The following SMYD3 variants were observed in gnomAD, a reference collection of about 807,000 sequenced individuals.
The protein encoded by SMYD3 is SET and MYND domain containing 3, also known as histone-lysine N-methyltransferase SMYD3.
SMYD3 carries 36 observed loss-of-function variants against 57.7 expected under a neutral mutation model. The ratio of observed to expected loss-of-function variants is 0.62; its 90% CI spans 0.48 to 0.82. SMYD3 has a LOEUF of 0.82. Ranked by LOEUF, SMYD3 falls within the 40% of genes least tolerant of loss-of-function variation. The probability of loss-of-function intolerance (pLI) is 0.00; values close to 1 mark genes in which losing one functional copy is unlikely to be tolerated. For synonymous variants in SMYD3, 211 were observed against 195.0 expected, an observed-to-expected ratio of 1.08 and a Z score of -0.68; for missense variants, 515 against 538.8, an observed-to-expected ratio of 0.96 and a Z score of 0.44.
chr1:246,317,396 C>T (rs1270051898), intron 5 of SMYD3, among the ~76,000 whole-genome samples: 2 of 152,256 alleles, frequency 1.3e-5, no homozygotes, highest in East Asian at 3.8e-4. Flanking sequence ...AATGTTAATT[C>T]AGGGGTTGGC....
chr1:245,787,914 G>T (rs999219161), intron 10 of SMYD3, among the ~76,000 whole-genome samples: 1 of 152,158 alleles, frequency 6.6e-6, no homozygotes, highest in Admixed American at 6.5e-5. Context: ...CTTTCGAACT[G>T]GGCATTGTAC....
chr1:246,427,791 C>G (rs2067243311), intron 1 of SMYD3, among the ~76,000 whole-genome samples: 1 of 151,912 alleles, frequency 6.6e-6, no homozygotes, highest in African/African-American at 2.4e-5. Context: ...GAGGTTGAGG[C>G]TGCGATGAGC....
At chr1:246,397,060 C>A (rs1324749564) in intron 1 of SMYD3, among the ~76,000 whole-genome samples, 1 of 152,208 alleles carries the variant, frequency 6.6e-6, no homozygotes, top group Non-Finnish European at 1.5e-5. Flanking sequence ...CTTCGGAAAA[C>A]TGTACCATCT....
chr1:246,390,227 A>C (rs1002065711), intron 1 of SMYD3, among the ~76,000 whole-genome samples: 1 of 129,590 alleles, frequency 7.7e-6, no homozygotes, highest in African/African-American at 3.7e-5. Context: ...AAAAAAAAAA[A>C]AAAAAAAAAA....
intron 10 of SMYD3, among the ~76,000 whole-genome samples, chr1:245,775,582 C>T (rs931062539): frequency 1.7e-4 from 26 of 151,264 alleles, no homozygotes; most frequent in Admixed American, 2.6e-4. Context: ...TGCGGAAGGC[C>T]GCAGGGTCCT....
At chr1:246,108,221 C>A (rs1043764864) in intron 5 of SMYD3, among the ~76,000 whole-genome samples, 7 of 152,176 alleles carry the variant, frequency 4.6e-5, no homozygotes, top group African/African-American at 1.4e-4. Context: ...TAACTAAGCC[C>A]TGTGTCAGAG....
intron 8 of SMYD3, among the ~76,000 whole-genome samples, chr1:245,865,813 T>C (rs2148499523): frequency 6.6e-6 from 1 of 152,320 alleles, no homozygotes; most frequent in Admixed American, 6.5e-5. Context: ...TACAGAACAG[T>C]TCACTATGTC....
At position 245,913,685 on chromosome 1, in the gene SMYD3, A is replaced by G. The variant is rs1188131659; in HGVS notation, c.813+1845T>C. 1.5e-4 allele frequency among the ~76,000 whole-genome samples: 4 copies of G among 25,912 alleles called. No homozygotes were observed. In the Non-Finnish European group the frequency reaches 8.0e-3, roughly 52 times the overall value. 17.0% of individuals were successfully genotyped at this position (25,912 alleles called of 152,430 possible). On this transcript the variant is annotated intron_variant, in intron 8 of 11. Coordinates refer to ENST00000490107, the MANE Select transcript of SMYD3 (RefSeq NM_001167740.2). ...AGGAAACACTCAACAGAGTGAAGAG[A>G]CAACTATAAAATGGCAGAAAATATT...
chr1:246,140,123 T>C (rs1572095107), intron 5 of SMYD3, among the ~76,000 whole-genome samples: 1 of 152,212 alleles, frequency 6.6e-6, no homozygotes, highest in African/African-American at 2.4e-5. Context: ...AATGCACATA[T>C]ATACAAATGA....
At chr1:245,889,348 C>A (rs1338740118) in intron 8 of SMYD3, among the ~76,000 whole-genome samples, 2 of 152,174 alleles carry the variant, frequency 1.3e-5, no homozygotes, top group East Asian at 3.9e-4. Context: ...CCTTTTTCTC[C>A]TTCTAGGACA....
chr1:246,186,537 C>T (rs924978257), intron 5 of SMYD3, among the ~76,000 whole-genome samples: 2 of 151,952 alleles, frequency 1.3e-5, no homozygotes, highest in Admixed American at 6.6e-5. Context: ...TACTCTGAAA[C>T]CAGAGAACAG....
At chr1:246,080,606 G>GA (rs1038952903) in intron 5 of SMYD3, among the ~76,000 whole-genome samples, 2 of 152,000 alleles carry the variant, frequency 1.3e-5, no homozygotes, top group Non-Finnish European at 2.9e-5. Context: ...GACTCTAGGA[G>GA]AAAAAAGAAC....
chr1:245,898,030 G>A (rs1572628386), intron 8 of SMYD3, among the ~76,000 whole-genome samples: 1 of 152,160 alleles, frequency 6.6e-6, no homozygotes, highest in African/African-American at 2.4e-5. Flanking sequence ...AAACTGCTCT[G>A]GCTGTGTTTT....
intron 1 of SMYD3, among the ~76,000 whole-genome samples, chr1:246,461,098 G>GT (rs1179222853): frequency 6.6e-6 from 1 of 152,186 alleles, no homozygotes; most frequent in African/African-American, 2.4e-5. Flanking sequence ...TCTGAAAAAT[G>GT]TAAGTTAAAG....
chr1:245,959,085 TTTG>T (rs1391084192), intron 5 of SMYD3, among the ~76,000 whole-genome samples: 1 of 152,072 alleles, frequency 6.6e-6, no homozygotes, highest in African/African-American at 2.4e-5. Flanking sequence ...TTTTTTGGGT[TTTG>T]TTTTTGTTTT....
intron 5 of SMYD3, among the ~76,000 whole-genome samples, chr1:246,204,240 T>C (rs1209448120): frequency 2.0e-5 from 3 of 152,338 alleles, no homozygotes; most frequent in Middle Eastern, 6.8e-3. Context: ...TATAATCTCT[T>C]AAATTTACTT....
At chr1:245,996,360 C>A (rs921191714) in intron 5 of SMYD3, among the ~76,000 whole-genome samples, 2 of 152,186 alleles carry the variant, frequency 1.3e-5, no homozygotes, top group African/African-American at 4.8e-5. Flanking sequence ...AACCAGTGGG[C>A]TGGGATTAGG....
At chr1:246,391,334 T>G (rs1026700612) in intron 1 of SMYD3, among the ~76,000 whole-genome samples, 1 of 149,694 alleles carries the variant, frequency 6.7e-6, no homozygotes, top group African/African-American at 2.5e-5. Context: ...GAGCTTTGAT[T>G]CCACCACTGC....
chr1:246,142,595 A>G (rs1426592550), intron 5 of SMYD3, among the ~76,000 whole-genome samples: 1 of 152,188 alleles, frequency 6.6e-6, no homozygotes, highest in Non-Finnish European at 1.5e-5. Context: ...CGCTTGATGA[A>G]AGAATGATTC....
Sources: gnomAD v4.1 joint callset for allele counts (sites outside exome capture counted in the v4.1 genomes callset) on GRCh38, gnomAD v4.1.1 for gene constraint, MANE v1.5 for transcripts, NCBI Gene and HGNC (gene_info 2026-07-23, HGNC 2026-07-21) for gene names.